TYW1: variants seen among roughly 807,000 people sequenced by gnomAD.
TYW1 encodes S-adenosyl-L-methionine-dependent tRNA 4-demethylwyosine synthase TYW1.
In TYW1, 46 loss-of-function variants were observed where a neutral mutation model predicts 96.2. The observed-to-expected ratio is 0.48, with a 90% CI of 0.38 to 0.61. The LOEUF (loss-of-function observed/expected upper bound fraction) is 0.61. Ranked by LOEUF, TYW1 falls within the 20% of genes least tolerant of loss-of-function variation. TYW1 has a pLI of 0.00. For synonymous variants in TYW1, 274 were observed against 323.0 expected (o/e 0.85, Z 1.63); for missense variants, 684 against 909.6 (o/e 0.75, Z 3.19).
intron 15 of TYW1, among the ~76,000 whole-genome samples, chr7:67,206,777 C>T (rs79318481): frequency 0.016 from 2,394 of 152,130 alleles, 31 homozygotes; most frequent in Admixed American, 0.044. Context: ...CATACATAAC[C>T]GAGGGCAGAT....
chr7:67,151,125 A>G (rs1350069423), intron 13 of TYW1, among the ~76,000 whole-genome samples: 2 of 150,554 alleles, frequency 1.3e-5, no homozygotes, highest in Non-Finnish European at 2.9e-5. Flanking sequence ...ATCTTGGCTC[A>G]CTGCAACCTC....
chr7:67,010,068 C>T (rs1355978460), intron 4 of TYW1, among the ~76,000 whole-genome samples: 2 of 151,316 alleles, frequency 1.3e-5, no homozygotes, highest in South Asian at 2.1e-4. Flanking sequence ...GTGCAATGTC[C>T]GTCTCCAGGT....
chr7:67,215,463 C>T (rs1184533229), intron 15 of TYW1, among the ~76,000 whole-genome samples: 1 of 151,806 alleles, frequency 6.6e-6, no homozygotes, highest in East Asian at 1.9e-4. Flanking sequence ...ATGTTTCTTC[C>T]AGTTCATTTA....
intron 13 of TYW1, among the ~76,000 whole-genome samples, chr7:67,132,593 G>A (rs1798116179): frequency 6.6e-6 from 1 of 152,022 alleles, no homozygotes; most frequent in Non-Finnish European, 1.5e-5. Context: ...AAAGTGTACA[G>A]TTCAGTGGTA....
intron 4 of TYW1, among the ~76,000 whole-genome samples, chr7:67,010,930 T>C (rs776427409): frequency 1.3e-5 from 2 of 152,174 alleles, no homozygotes; most frequent in African/African-American, 4.8e-5. Flanking sequence ...TTGATGGCAG[T>C]GTGCTATACT....
At chr7:67,170,182 A>C (rs894207092) in intron 13 of TYW1, among the ~76,000 whole-genome samples, 1 of 152,156 alleles carries the variant, frequency 6.6e-6, no homozygotes, top group Admixed American at 6.6e-5. Context: ...TGTGTTGAAA[A>C]GACTATTTTT....
chr7:67,082,479 C>T (rs531907737), intron 10 of TYW1, among the ~76,000 whole-genome samples: 3 of 152,254 alleles, frequency 2.0e-5, no homozygotes, highest in South Asian at 2.1e-4. Flanking sequence ...TTGCTAGGGG[C>T]AGTATTGCTG....
At chr7:67,049,501 C>T (rs1302384994) in intron 7 of TYW1, among the ~76,000 whole-genome samples, 11 of 151,880 alleles carry the variant, frequency 7.2e-5, no homozygotes, top group Admixed American at 7.2e-4. Context: ...GTTTTGTGGG[C>T]CATGGTTCAT....
chr7:66,999,783 C>T (rs113391825), intron 3 of TYW1, among the ~76,000 whole-genome samples: 5 of 152,028 alleles, frequency 3.3e-5, no homozygotes, highest in Admixed American at 2.6e-4. Flanking sequence ...CTCTTTTTTG[C>T]GGGGGAACAG....
chr7:67,080,402 C>CTTTTTT (rs370544344), intron 10 of TYW1, among the ~76,000 whole-genome samples: 1 of 141,584 alleles, frequency 7.1e-6, no homozygotes. Flanking sequence ...CTCTTGCTTA[C>CTTTTTT]TTTTTTTTTT....
At chr7:67,210,367 C>T (rs927495846) in intron 15 of TYW1, among the ~76,000 whole-genome samples, 5 of 152,162 alleles carry the variant, frequency 3.3e-5, no homozygotes. Context: ...TGGCTTATGA[C>T]TAACAATGCT....
intron 12 of TYW1, among the ~76,000 whole-genome samples, chr7:67,115,259 T>TA (rs1332199703): frequency 6.9e-6 from 1 of 145,430 alleles, no homozygotes; most frequent in Non-Finnish European, 1.5e-5. Context: ...TTTTTTTTTT[T>TA]AAATAGAAGT....
intron 13 of TYW1, among the ~76,000 whole-genome samples, chr7:67,130,833 C>G (rs140802931): frequency 2.0e-5 from 3 of 152,182 alleles, no homozygotes; most frequent in African/African-American, 7.2e-5. Context: ...CTGCATTTGG[C>G]ACTTCTGGGT....
At position 67,034,114 on chromosome 7, in the gene TYW1, T is replaced by A. The variant is rs568955220; in HGVS notation, c.984+9092T>A. On this transcript the variant is annotated intron_variant, in intron 7 of 15. Coordinates refer to ENST00000359626, the MANE Select transcript of TYW1 (RefSeq NM_018264.4). The stretch of plus-strand genomic sequence containing the variant: ...TATTTATTTATTTTTATTTTATTTT[T>A]TTTTTTTGAGATGGAGTCTTGCTCT... Among the ~76,000 whole-genome samples the A allele has an allele frequency of 6.7e-4, 101 of 151,408 alleles. 1 individual carries two copies. The highest frequency in any genetic ancestry group is 3.7e-3 in the South Asian group (18 of 4,804).
At chr7:67,149,175 T>A (rs1023065044) in intron 13 of TYW1, among the ~76,000 whole-genome samples, 2 of 152,252 alleles carry the variant, frequency 1.3e-5, no homozygotes, top group Non-Finnish European at 2.9e-5. Context: ...AGCTGAACCT[T>A]TTTATGAGAA....
At position 67,239,257 on chromosome 7, in the gene TYW1, A is replaced by T; in HGVS notation, c.*728A>T. 2 of 985,466 alleles carry T rather than the reference A, an allele frequency of 2.0e-6. No individual in the cohort carries two copies. The highest frequency in any genetic ancestry group is 2.4e-6 in the Non-Finnish European group (2 of 829,984). 61.0% of individuals were successfully genotyped at this position (985,466 alleles called of 1,614,324 possible). A position where few individuals can be genotyped will look rare whatever the true frequency, so the allele number is the denominator to read the frequency against. On this transcript the variant is annotated 3_prime_UTR_variant, in exon 16 of 16. Transcript: ENST00000359626. Reference sequence around the variant, plus strand: ...GGGCATGGAGTCATTAGTCTCACAAACACACTTTGGACTGAAGAGGATCAT... The same window carrying T: ...GGGCATGGAGTCATTAGTCTCACAATCACACTTTGGACTGAAGAGGATCAT...
chr7:67,171,586 T>C (rs1430625892), intron 13 of TYW1, among the ~76,000 whole-genome samples: 2 of 152,184 alleles, frequency 1.3e-5, no homozygotes, highest in African/African-American at 2.4e-5. Context: ...AAATGTTCCA[T>C]TGTGACTATG....
At chr7:67,225,220 A>G (rs1801522969) in intron 15 of TYW1, among the ~76,000 whole-genome samples, 1 of 150,312 alleles carries the variant, frequency 6.7e-6, no homozygotes, top group Admixed American at 6.6e-5. Context: ...AAAAAGTAGA[A>G]GTCTTGTCCA....
At chr7:67,009,877 GT>G (rs1793732420) in intron 4 of TYW1, 193 bp downstream of exon 4, 2 of 568,588 alleles carry the variant, frequency 3.5e-6, no homozygotes, top group Non-Finnish European at 2.9e-6. Context: ...CTCACGTGGT[GT>G]GGGGCTTGTT....
Sources: gnomAD v4.1 joint callset for allele counts (sites outside exome capture counted in the v4.1 genomes callset) on GRCh38, gnomAD v4.1.1 for gene constraint, MANE v1.5 for transcripts, NCBI Gene and HGNC (gene_info 2026-07-23, HGNC 2026-07-21) for gene names.